NUP98: variants seen among roughly 807,000 people sequenced by gnomAD.
The protein encoded by NUP98 is nucleoporin 98 and 96 precursor, also known as nuclear pore complex protein Nup98-Nup96.
NUP98 carries 26 observed loss-of-function variants against 191.9 expected under a neutral mutation model. That is an observed-to-expected ratio of 0.14 (90% confidence interval 0.10 to 0.19). The LOEUF (loss-of-function observed/expected upper bound fraction) is 0.19. Ranked by LOEUF, NUP98 falls within the 10% of genes least tolerant of loss-of-function variation. The probability of loss-of-function intolerance (pLI) is 1.00; values close to 1 mark genes in which losing one functional copy is unlikely to be tolerated. For synonymous variants in NUP98, 808 were observed against 778.4 expected (o/e 1.04, Z -0.63); for missense variants, 1,941 against 2,178.8 (o/e 0.89, Z 2.17).
Position 3,702,480 on chromosome 11 carries a change from A to T in NUP98, c.3495T>A (p.Asn1165Lys), listed in dbSNP as rs141645455. The T allele has an allele frequency of 1.5e-5, 24 of 1,613,656 alleles. No homozygotes were observed. Among genetic ancestry groups the T allele is most frequent in the Admixed American group, 3.3e-5 (2 of 59,942 alleles). Residue 1165 changes from asparagine (N) to lysine (K), a missense_variant, in exon 23 of 33, where the codon AAT (asparagine) becomes AAA (lysine). Transcript: ENST00000324932. ...TGACTCACGGTTTAACAGCTACTGG[A>T]TTGGGCAGGAATCCAAACTCCATGG... ...ADSMEFGFLP[N>K]PVAVKPLTES...
chr11:3,680,278 T>C (rs1271074113), intron 30 of NUP98, among the ~76,000 whole-genome samples: 1 of 152,266 alleles, frequency 6.6e-6, no homozygotes, highest in Admixed American at 6.5e-5. Context: ...GTTCACAGCA[T>C]CTTCACCAGG....
At chr11:3,699,701 A>G (rs2078617861) in intron 24 of NUP98, among the ~76,000 whole-genome samples, 1 of 152,222 alleles carries the variant, frequency 6.6e-6, no homozygotes, top group African/African-American at 2.4e-5. Context: ...ACTGTTTATC[A>G]TTTAAGCCAC....
chr11:3,729,950 G>A (rs1248809416), intron 14 of NUP98, among the ~76,000 whole-genome samples: 1 of 152,000 alleles, frequency 6.6e-6, no homozygotes, highest in Non-Finnish European at 1.5e-5. Flanking sequence ...TATATAAAAT[G>A]CTAGGACAAG....
At chr11:3,736,807 G>T (rs886198319) in intron 12 of NUP98, among the ~76,000 whole-genome samples, 9 of 152,122 alleles carry the variant, frequency 5.9e-5, no homozygotes, top group African/African-American at 1.9e-4. Flanking sequence ...CAAAAATGTG[G>T]TTTTTTCTTT....
intron 14 of NUP98, among the ~76,000 whole-genome samples, chr11:3,725,604 T>C (rs1340381802): frequency 6.6e-6 from 1 of 152,218 alleles, no homozygotes; most frequent in Non-Finnish European, 1.5e-5. Context: ...TACAAACGTA[T>C]GGCTGTCTCA....
chr11:3,744,834 T>C (rs1349988986), intron 11 of NUP98, among the ~76,000 whole-genome samples, 185 bp from the exon 12 acceptor site: 1 of 152,240 alleles, frequency 6.6e-6, no homozygotes, highest in Non-Finnish European at 1.5e-5. Context: ...ATACACATCA[T>C]AGGTAAAATA....
chr11:3,708,942 A>G (rs565288316), intron 20 of NUP98, among the ~76,000 whole-genome samples: 1 of 152,210 alleles, frequency 6.6e-6, no homozygotes, highest in African/African-American at 2.4e-5. Flanking sequence ...TACACAGATT[A>G]TATCTGTAAA....
At chr11:3,797,260 CCT>C (rs770056364) in intron 1 of NUP98, 138 bp downstream of exon 1, 113 of 397,118 alleles carry the variant, frequency 2.8e-4, no homozygotes, top group Middle Eastern at 1.3e-3. Context: ...CAGCACCGCC[CCT>C]CTCTCAGGCC....
rs1437080263 is a variant in NUP98 at position 3,771,803 on chromosome 11, G to A, written c.729C>T (p.Ser243=). 5 of 1,614,092 alleles carry A rather than the reference G, an allele frequency of 3.1e-6. No homozygotes were observed. Among genetic ancestry groups the A allele is most frequent in the Non-Finnish European group, 4.2e-6 (5 of 1,180,046 alleles). Residue 243 remains serine (S), a synonymous_variant, in exon 7 of 33, where the codon TCC becomes TCT. Coordinates refer to ENST00000324932, the MANE Select transcript of NUP98 (RefSeq NM_016320.5). The part of the protein sequence containing the change: ...ATSSATGLFS[S]STTNSGFAYG... The stretch of plus-strand genomic sequence containing the variant: ...ATGCAAAGCCTGAATTAGTGGTGGA[G>A]GAGCTGAAGAGTCCTGTTGCGCTGG...
chr11:3,723,500 T>C, intron 15 of NUP98, 45 bp from the exon 16 acceptor site: 1 of 1,507,852 alleles, frequency 6.6e-7, no homozygotes, highest in Non-Finnish European at 9.2e-7. Flanking sequence ...GTAGTAGTAA[T>C]AACAATGATA....
intron 1 of NUP98, among the ~76,000 whole-genome samples, chr11:3,786,562 C>A (rs925287313): frequency 3.3e-5 from 5 of 152,114 alleles, no homozygotes; most frequent in Admixed American, 3.3e-4. Context: ...CCTCTATGCT[C>A]AAAAATCTCC....
intron 1 of NUP98, among the ~76,000 whole-genome samples, chr11:3,782,804 G>A (rs2082017300): frequency 1.3e-5 from 2 of 152,018 alleles, no homozygotes; most frequent in Admixed American, 6.6e-5. Context: ...CCTGGGTGCT[G>A]AGATTACACC....
Position 3,684,766 on chromosome 11 carries a change from CAAAAAAAAAAAAAAAAAAAAA to C in NUP98, c.4676+1186_4676+1206del, listed in dbSNP as rs71041370. Among the ~76,000 whole-genome samples the C allele has an allele frequency of 1.3e-4, 13 of 101,812 alleles. 1 individual carries two copies. The highest frequency in any genetic ancestry group is 1.9e-4 in the Non-Finnish European group (10 of 52,954). 66.8% of individuals were successfully genotyped at this position (101,812 alleles called of 152,430 possible). ...AAACTAATGTTATGCTTTCACAGGCCAAAAAAAAAAAAAAAAAAAAAAAAAAAAAAAAGGCTTAGGCTTAGA... is the reference window on the plus strand; with the variant it reads ...AAACTAATGTTATGCTTTCACAGGCCAAAAAAAAAAAGGCTTAGGCTTAGA... On this transcript the variant is annotated intron_variant, in intron 29 of 32. Coordinates refer to ENST00000324932, the MANE Select transcript of NUP98 (RefSeq NM_016320.5).
chr11:3,706,871 T>C (rs549566206), intron 20 of NUP98, among the ~76,000 whole-genome samples: 2 of 152,348 alleles, frequency 1.3e-5, no homozygotes, highest in African/African-American at 4.8e-5. Context: ...ACCTGGTGTC[T>C]GGGACCTAAA....
At chr11:3,755,063 TATC>T (rs1432677182) in intron 10 of NUP98, among the ~76,000 whole-genome samples, 3 of 151,636 alleles carry the variant, frequency 2.0e-5, no homozygotes, top group African/African-American at 7.3e-5. Flanking sequence ...TGTAAATAAA[TATC>T]AACAAAACAA....
At position 3,699,764 on chromosome 11, in the gene NUP98, G is replaced by A. The variant is rs189623720; in HGVS notation, c.3743-416C>T. Among the ~76,000 whole-genome samples the A allele has an allele frequency of 2.0e-3, 306 of 152,272 alleles. 3 individuals carry two copies. Among genetic ancestry groups the A allele is most frequent in the Non-Finnish European group, 3.7e-4 (25 of 68,020 alleles). ...TACACATTTGAAAAGACAATGAGAC[G>A]ATTAAGTAAATACAAAGAACTGAAG... On this transcript the variant is annotated intron_variant, in intron 24 of 32. Coordinates refer to ENST00000324932, the MANE Select transcript of NUP98 (RefSeq NM_016320.5).
In NUP98 at chr11:3,779,236, C is replaced by G; in HGVS notation, c.98G>C (p.Ser33Thr). ...TGCAGATGTTCCAAATGCCCCTCCA[C>G]TAGTAGTGCCAAAGCCAGTATCTGA... ...FGQNTGFGTTSGGAFGTSAFG... is the reference protein window; with the variant it reads ...FGQNTGFGTTTGGAFGTSAFG... The change falls in exon 3 of 33, where the codon AGT (serine) becomes ACT (threonine). Residue 33 changes from serine to threonine, a missense_variant. Physicochemically the swap from Ser to Thr is moderately conservative, Grantham distance 58. Transcript: ENST00000324932. The G allele has an allele frequency of 1.2e-6, 2 of 1,614,108 alleles. No homozygotes were observed. Among genetic ancestry groups the G allele is most frequent in the Non-Finnish European group, 8.5e-7 (1 of 1,179,954 alleles).
chr11:3,743,516 G>A (rs1342753382), intron 12 of NUP98, among the ~76,000 whole-genome samples: 3 of 148,792 alleles, frequency 2.0e-5, no homozygotes, highest in East Asian at 2.1e-4. Flanking sequence ...GCATGGTGGC[G>A]GGCACCTGTA....
chr11:3,754,586 G>A (rs965646767), intron 10 of NUP98, among the ~76,000 whole-genome samples: 1 of 152,094 alleles, frequency 6.6e-6, no homozygotes, highest in Non-Finnish European at 1.5e-5. Flanking sequence ...CTGATTACAC[G>A]TGAGAAGTCT....
Sources: allele counts gnomAD v4.1 joint callset (sites outside exome capture counted in the v4.1 genomes callset), GRCh38; gene constraint gnomAD v4.1.1; transcripts MANE v1.5; gene names NCBI Gene and HGNC (gene_info 2026-07-23, HGNC 2026-07-21).